CALB2: variants seen among roughly 807,000 people sequenced by gnomAD.
The protein encoded by CALB2 is calbindin 2.
A neutral mutation model predicts 45.9 loss-of-function variants in CALB2; 34 were observed. The ratio of observed to expected loss-of-function variants is 0.74; its 90% CI spans 0.56 to 0.99. CALB2 has a LOEUF of 0.99. CALB2 is among the 50% of genes least tolerant of loss of function. The pLI is 0.00. For missense variants in CALB2, 344 were observed against 339.3 expected (o/e 1.01, Z -0.11); for synonymous variants, 142 against 129.6 (o/e 1.10, Z -0.65).
At position 71,385,638 on chromosome 16, in the gene CALB2, A is replaced by G. The variant is rs2042561842; in HGVS notation, c.689A>G (p.Lys230Arg). The G allele has an allele frequency of 6.2e-7, 1 of 1,613,822 alleles. No individual in the cohort carries two copies. The highest frequency in any genetic ancestry group is 1.7e-5 in the Admixed American group (1 of 60,000). ...GCCCTTTTGAAGGATCTGTACGAGA[A>G]AAACAAAAAGGTGAGCAGCCAAGCC... is the stretch of plus-strand genomic sequence containing the variant. The part of the protein sequence containing the change: ...LDALLKDLYE[K>R]NKKEMNIQQL... The change falls in exon 10 of 11, where the codon AAA becomes AGA. Residue 230 changes from lysine (K) to arginine (R), a missense_variant. Transcript: ENST00000302628.
At position 71,389,807 on chromosome 16, in the gene CALB2, C is replaced by A. The variant is rs1197548910; in HGVS notation, c.758C>A (p.Ala253Glu). Residue 253 changes from alanine to glutamate, a missense_variant, in exon 11 of 11, where the codon GCA becomes GAA. Physicochemically the swap from Ala to Glu is moderately radical, Grantham distance 107 (BLOSUM62 -1). Around this residue, in one of 3 missense-constraint regions of CALB2, gnomAD observed 263 missense variants for 241.7 expected, o/e 1.09. Transcript: ENST00000302628. ...YRKSVMSLAE[A>E]GKLYRKDLEI... Reference sequence around the variant, plus strand: ...AAGAGCGTCATGTCCTTGGCAGAGGCAGGGAAGCTCTACCGCAAGGACCTG... The same window carrying A: ...AAGAGCGTCATGTCCTTGGCAGAGGAAGGGAAGCTCTACCGCAAGGACCTG... 2 of 1,614,044 alleles carry A rather than the reference C, an allele frequency of 1.2e-6. No homozygotes were observed. The highest frequency in any genetic ancestry group is 1.7e-6 in the Non-Finnish European group (2 of 1,180,000).
intron 1 of CALB2, among the ~76,000 whole-genome samples, chr16:71,361,451 C>G (rs2042237735): frequency 6.6e-6 from 1 of 152,166 alleles, no homozygotes; most frequent in South Asian, 2.1e-4. Context: ...CCTACCAATT[C>G]TGGTTTCCGT....
intron 4 of CALB2, among the ~76,000 whole-genome samples, chr16:71,381,041 G>C (rs1269762772): frequency 6.6e-6 from 1 of 152,214 alleles, no homozygotes; most frequent in Non-Finnish European, 1.5e-5. Flanking sequence ...GGACCCGCTG[G>C]CAAGATGGCT....
intron 4 of CALB2, among the ~76,000 whole-genome samples, chr16:71,382,088 AAG>A (rs1169400815): frequency 5.5e-5 from 8 of 145,818 alleles, no homozygotes; most frequent in African/African-American, 1.5e-4. Flanking sequence ...GGAAGAAAGA[AAG>A]AGAAAGGAAG....
intron 2 of CALB2, among the ~76,000 whole-genome samples, chr16:71,373,367 A>C (rs914046451): frequency 1.3e-5 from 2 of 152,158 alleles, no homozygotes; most frequent in African/African-American, 4.8e-5. Flanking sequence ...AAAGGGTTGG[A>C]GGCGATTCAT....
At chr16:71,362,061 G>A (rs1247404494) in intron 1 of CALB2, among the ~76,000 whole-genome samples, 4 of 152,186 alleles carry the variant, frequency 2.6e-5, no homozygotes, top group Admixed American at 2.6e-4. Flanking sequence ...GTGGGGTCTA[G>A]GGCTCTTCCG....
At chr16:71,361,993 G>A (rs548233730) in intron 1 of CALB2, among the ~76,000 whole-genome samples, 25 of 152,270 alleles carry the variant, frequency 1.6e-4, no homozygotes, top group African/African-American at 4.6e-4. Context: ...GGGTTCCAAT[G>A]TTGTCTCTCA....
chr16:71,385,349 C>T (rs41280905), intron 9 of CALB2: 110,471 of 473,364 alleles, frequency 0.23, 14,438 homozygotes, highest in South Asian at 0.39. Flanking sequence ...TTTCAACGCA[C>T]ATGAAAAGCA....
intron 1 of CALB2, among the ~76,000 whole-genome samples, chr16:71,364,439 A>G (rs1354360997): frequency 6.6e-6 from 1 of 152,230 alleles, no homozygotes; most frequent in Admixed American, 6.5e-5. Context: ...GCTAGAATTA[A>G]TAGAGCAGGC....
intron 3 of CALB2, among the ~76,000 whole-genome samples, chr16:71,377,317 C>T (rs1437884839): frequency 1.3e-5 from 2 of 152,176 alleles, no homozygotes; most frequent in African/African-American, 4.8e-5. Flanking sequence ...CCTCTTACCC[C>T]AGGCAACCAC....
At chr16:71,371,782 C>T (rs1278216872) in intron 1 of CALB2, among the ~76,000 whole-genome samples, 1 of 152,166 alleles carries the variant, frequency 6.6e-6, no homozygotes, top group Admixed American at 6.5e-5. Context: ...CTTCTGAACT[C>T]CAGGGACCCC....
chr16:71,372,020 A>G, intron 1 of CALB2, 133 bp from the exon 2 acceptor site: 1 of 686,140 alleles, frequency 1.5e-6, no homozygotes, highest in South Asian at 1.6e-5. Context: ...CCACACCCCT[A>G]GCTCCACTGG....
At chr16:71,367,168 A>G (rs115226378) in intron 1 of CALB2, among the ~76,000 whole-genome samples, 2,153 of 152,262 alleles carry the variant, frequency 0.014, 45 homozygotes, top group African/African-American at 0.049. Flanking sequence ...GTGGTGCGGA[A>G]TGGTAGCAAG....
Position 71,389,850 on chromosome 16 carries a change from C to T in CALB2, c.801C>T (p.Ser267=), listed in dbSNP as rs367551104. 97 of 1,612,814 alleles carry T rather than the reference C, an allele frequency of 6.0e-5. No homozygotes were observed. The highest frequency in any genetic ancestry group is 1.8e-4 in the Admixed American group (11 of 60,022). ...AGGACCTGGAGATTGTGCTCTGCAG[C>T]GAGCCCCCCATGTAAAGTGGGGACG... ...YRKDLEIVLC[S]EPPM Residue 267 remains serine, a synonymous_variant, in exon 11 of 11, where the codon AGC becomes AGT. Coordinates refer to ENST00000302628, the MANE Select transcript of CALB2 (RefSeq NM_001740.5).
In CALB2 at chr16:71,390,030, G is replaced by A. The variant is rs2042619852; in HGVS notation, c.*165G>A. ...AGAGATAGAGGATGGGCAGCTGGGG[G>A]GCTGTCCTGAGCCCCCTGCACCCAC... On this transcript the variant is annotated 3_prime_UTR_variant, in exon 11 of 11. Coordinates refer to ENST00000302628, the MANE Select transcript of CALB2 (RefSeq NM_001740.5). 1.7e-6 allele frequency: 1 copy of A among 603,638 alleles called. No homozygotes were observed. The highest frequency in any genetic ancestry group is 1.8e-5 in the African/African-American group (1 of 54,132). 37.4% of individuals were successfully genotyped at this position (603,638 alleles called of 1,614,324 possible). A position where few individuals can be genotyped will look rare whatever the true frequency, so the allele number is the denominator to read the frequency against.
At chr16:71,388,997 CAAAAA>C (rs146702342) in intron 10 of CALB2, among the ~76,000 whole-genome samples, 1 of 60,680 alleles carries the variant, frequency 1.6e-5, no homozygotes, top group Non-Finnish European at 3.0e-5. Context: ...GACTCCATCT[CAAAAA>C]AAAAAAAAAA....
intron 5 of CALB2, 22 bp from the exon 6 acceptor site, chr16:71,383,345 A>C: frequency 6.2e-7 from 1 of 1,611,710 alleles, no homozygotes. Flanking sequence ...CAGGAGTACT[A>C]AAGAGGCCTT....
At chr16:71,385,167 A>G (rs2042556275) in intron 9 of CALB2, among the ~76,000 whole-genome samples, 1 of 152,114 alleles carries the variant, frequency 6.6e-6, no homozygotes, top group African/African-American at 2.4e-5. Flanking sequence ...CCCAGGGCCA[A>G]GTCTTTCTCT....
intron 2 of CALB2, among the ~76,000 whole-genome samples, chr16:71,373,727 G>A (rs1255956461): frequency 6.6e-6 from 1 of 152,182 alleles, no homozygotes; most frequent in East Asian, 1.9e-4. Context: ...CTCCATTAGT[G>A]TGTCAAATGG....
Sources: allele counts gnomAD v4.1 joint callset (sites outside exome capture counted in the v4.1 genomes callset), GRCh38; gene constraint gnomAD v4.1.1; regional missense constraint gnomAD v4.1.1; transcripts MANE v1.5; gene names NCBI Gene and HGNC (gene_info 2026-07-23, HGNC 2026-07-21).